FNIP2: variants seen among roughly 807,000 people sequenced by gnomAD.
FNIP2 encodes folliculin interacting protein 2.
A neutral mutation model predicts 108.7 loss-of-function variants in FNIP2; 32 were observed. That is an observed-to-expected ratio of 0.29 (90% CI 0.22 to 0.40). The LOEUF is 0.40. Among genes scored for constraint, FNIP2 ranks in the 10% least tolerant of loss-of-function variants. FNIP2 has a pLI of 1.00. For synonymous variants in FNIP2, 480 were observed against 496.7 expected, an observed-to-expected ratio of 0.97 and a Z score of 0.45; for missense variants, 1,202 against 1,381.6, an observed-to-expected ratio of 0.87 and a Z score of 2.06.
At chr4:158,815,384 CT>C (rs58702187) in intron 1 of FNIP2, among the ~76,000 whole-genome samples, 218 of 137,408 alleles carry the variant, frequency 1.6e-3, no homozygotes, top group African/African-American at 1.6e-3. Context: ...AGTAATCCAG[CT>C]TTTTTTTTTT....
chr4:158,821,628 A>G (rs1271415671), intron 1 of FNIP2, among the ~76,000 whole-genome samples: 5 of 152,140 alleles, frequency 3.3e-5, no homozygotes, highest in Non-Finnish European at 5.9e-5. Flanking sequence ...ATTTCCATAG[A>G]TTATCTCTTT....
chr4:158,776,342 T>C (rs1001560886), intron 1 of FNIP2, among the ~76,000 whole-genome samples: 1 of 152,234 alleles, frequency 6.6e-6, no homozygotes, highest in Non-Finnish European at 1.5e-5. Flanking sequence ...CCTCAAGAGA[T>C]GAAACAGGTG....
chr4:158,832,587 C>T (rs571841416), intron 5 of FNIP2, among the ~76,000 whole-genome samples: 22 of 152,144 alleles, frequency 1.4e-4, no homozygotes, highest in Non-Finnish European at 2.5e-4. Context: ...TTGAAAGAAG[C>T]GCTTGTTATA....
intron 1 of FNIP2, among the ~76,000 whole-genome samples, chr4:158,797,709 A>G (rs1034250724): frequency 1.3e-5 from 2 of 152,140 alleles, no homozygotes; most frequent in Admixed American, 6.5e-5. Context: ...AAAACAAAAC[A>G]AAACAAAACA....
At chr4:158,814,199 A>G (rs1294339664) in intron 1 of FNIP2, among the ~76,000 whole-genome samples, 1 of 152,214 alleles carries the variant, frequency 6.6e-6, no homozygotes, top group Non-Finnish European at 1.5e-5. Context: ...TGGAAGGAAG[A>G]GAATGTTATC....
chr4:158,777,318 GA>G (rs1310214805), intron 1 of FNIP2, among the ~76,000 whole-genome samples: 7 of 152,266 alleles, frequency 4.6e-5, no homozygotes, highest in Admixed American at 1.3e-4. Flanking sequence ...ACTTAATTGT[GA>G]AAACAATATT....
intron 1 of FNIP2, among the ~76,000 whole-genome samples, chr4:158,821,596 A>G (rs1290426768): frequency 6.6e-6 from 1 of 152,228 alleles, no homozygotes; most frequent in African/African-American, 2.4e-5. Context: ...TGGCAGGGAA[A>G]GGGGCTGGGA....
chr4:158,774,401 T>G (rs1372311615), intron 1 of FNIP2, among the ~76,000 whole-genome samples: 1 of 152,198 alleles, frequency 6.6e-6, no homozygotes, highest in African/African-American at 2.4e-5. Context: ...TATTAGATTA[T>G]TTAACTATTT....
intron 14 of FNIP2, among the ~76,000 whole-genome samples, chr4:158,880,623 A>G (rs1781539613): frequency 6.6e-6 from 1 of 152,232 alleles, no homozygotes; most frequent in Non-Finnish European, 1.5e-5. Flanking sequence ...GACTTTATAT[A>G]TTGGAGGAGA....
At chr4:158,805,046 C>G (rs989739574) in intron 1 of FNIP2, among the ~76,000 whole-genome samples, 1 of 152,148 alleles carries the variant, frequency 6.6e-6, no homozygotes, top group African/African-American at 2.4e-5. Context: ...AAGGCCCTGC[C>G]ATGACATTAG....
At chr4:158,784,161 T>G (rs1776140441) in intron 1 of FNIP2, among the ~76,000 whole-genome samples, 1 of 152,258 alleles carries the variant, frequency 6.6e-6, no homozygotes, top group Admixed American at 6.5e-5. Flanking sequence ...GAAGCTGTAG[T>G]TGTCAGAAGA....
At chr4:158,834,329 T>TCTCTCTCTCTCTCTCTCTCTCTCC (rs1194083212) in intron 6 of FNIP2, 3 of 149,428 alleles carry the variant, frequency 2.0e-5, no homozygotes, top group African/African-American at 7.7e-5. Flanking sequence ...TCTCTCTCTC[T>TCTCTCTCTCTCTCTCTCTCTCTCC]CCCTCTCTAA....
chr4:158,784,846 C>G (rs1776168346), intron 1 of FNIP2, among the ~76,000 whole-genome samples: 1 of 152,130 alleles, frequency 6.6e-6, no homozygotes, highest in Non-Finnish European at 1.5e-5. Flanking sequence ...GATCCCTGCT[C>G]TAATTCTTCT....
intron 14 of FNIP2, among the ~76,000 whole-genome samples, chr4:158,889,670 A>T (rs1222818534): frequency 6.6e-6 from 1 of 152,224 alleles, no homozygotes; most frequent in African/African-American, 2.4e-5. Context: ...ATGTTGACAT[A>T]TGGTCAGTAT....
rs1000858613 is a variant in FNIP2, at chr4:158,900,223, C to G, written c.3267-4243C>G. ...TGGTCTGAGAGACTGTTATGATTTCCATTCTTTTGCATTTGCCGAGGAGTG... is the reference window on the plus strand; with the variant it reads ...TGGTCTGAGAGACTGTTATGATTTCGATTCTTTTGCATTTGCCGAGGAGTG... On this transcript the variant is annotated intron_variant, in intron 16 of 16. Transcript: ENST00000264433. 4.6e-5 allele frequency among the ~76,000 whole-genome samples: 7 copies of G among 152,012 alleles called. No individual in the cohort carries two copies. In the South Asian group the frequency reaches 6.2e-4, roughly 13 times the overall value.
intron 1 of FNIP2, among the ~76,000 whole-genome samples, chr4:158,781,032 C>T (rs1258455505): frequency 1.8e-5 from 1 of 55,854 alleles, no homozygotes; most frequent in East Asian, 7.3e-4. Context: ...GAGAGTCCTT[C>T]TCAAAAAAAA....
chr4:158,885,496 A>G (rs1438524546), intron 14 of FNIP2, among the ~76,000 whole-genome samples: 2 of 152,176 alleles, frequency 1.3e-5, no homozygotes, highest in Non-Finnish European at 2.9e-5. Context: ...GGTTTTAGGT[A>G]AAGTACATAA....
At position 158,878,068 on chromosome 4, in the gene FNIP2, T is replaced by A. The variant is rs372481382; in HGVS notation, c.2949+7599T>A. ...TAAAACTATATAGTGATGGATAAAATATCACCATCCTCACTGCTGCCCCAT... is the reference window on the plus strand; with the variant it reads ...TAAAACTATATAGTGATGGATAAAAAATCACCATCCTCACTGCTGCCCCAT... On this transcript the variant is annotated intron_variant, in intron 14 of 16. Transcript: ENST00000264433. Among the ~76,000 whole-genome samples, 4 of 151,164 alleles carry A rather than the reference T, an allele frequency of 2.6e-5. No individual in the cohort carries two copies. In the South Asian group the frequency reaches 8.3e-4, roughly 31 times the overall value.
chr4:158,781,493 C>A (rs1776044893), intron 1 of FNIP2, among the ~76,000 whole-genome samples: 1 of 151,892 alleles, frequency 6.6e-6, no homozygotes, highest in African/African-American at 2.4e-5. Flanking sequence ...TAGAGTAGGG[C>A]CTTTGTTACA....
Sources: allele counts gnomAD v4.1 joint callset (sites outside exome capture counted in the v4.1 genomes callset), GRCh38; gene constraint gnomAD v4.1.1; transcripts MANE v1.5; gene names NCBI Gene and HGNC (gene_info 2026-07-23, HGNC 2026-07-21).